BMP10: variants seen among roughly 807,000 people sequenced by gnomAD.
BMP10 encodes the protein bone morphogenetic protein 10.
Under a neutral mutation model 29.9 loss-of-function variants are expected in BMP10, and 9 were observed. The ratio of observed to expected loss-of-function variants is 0.30; its 90% CI spans 0.18 to 0.53. The LOEUF (loss-of-function observed/expected upper bound fraction) is 0.53. Ranked by LOEUF, BMP10 falls within the 20% of genes least tolerant of loss-of-function variation. The pLI, the probability that BMP10 is intolerant of heterozygous loss-of-function variation, is 0.96. For synonymous variants in BMP10, 202 were observed against 200.2 expected (o/e 1.01, Z -0.07); for missense variants, 474 against 524.3 (o/e 0.90, Z 0.94).
At position 68,871,117 on chromosome 2, in the gene BMP10, G is replaced by A. The variant is rs1683058526; in HGVS notation, c.242C>T (p.Pro81Leu). Residue 81 changes from proline (P) to leucine (L), a missense_variant, in exon 1 of 2, where the codon CCA becomes CTA. Transcript: ENST00000295379. ...IPTQDSAKVD[P>L]PEYMLELYNK... is the part of the protein sequence containing the mutation. ...GTAGAGTTCCAACATGTACTCTGGT[G>A]GGTCCACCTTGGCTGAATCCTGCGT... The A allele has an allele frequency of 1.2e-6, 2 of 1,614,030 alleles. No homozygotes were observed. Among genetic ancestry groups the A allele is most frequent in the African/African-American group, 2.7e-5 (2 of 74,918 alleles).
At chr2:68,870,980 T>C in intron 1 of BMP10, 45 bp downstream of exon 1, 1 of 1,518,062 alleles carries the variant, frequency 6.6e-7, no homozygotes, top group Non-Finnish European at 9.1e-7. Context: ...TTACTTATTG[T>C]GTCTTGAAAA....
At chr2:68,867,562 C>G (rs1029060247) in intron 1 of BMP10, among the ~76,000 whole-genome samples, 8 of 152,186 alleles carry the variant, frequency 5.3e-5, no homozygotes, top group African/African-American at 1.9e-4. Context: ...CAAATACGAT[C>G]ATGTTGACTT....
chr2:68,871,315 G>T lies in BMP10; in HGVS notation c.44C>A (p.Ala15Glu). ...VLTLCALFCLAAYLVSGSPIM... is the reference protein window; with the variant it reads ...VLTLCALFCLEAYLVSGSPIM... ...GGGGCTGCCAGAAACCAAGTAAGCTGCCAGGCAGAAAAGAGCGCACAGTGT... is the reference window on the plus strand; with the variant it reads ...GGGGCTGCCAGAAACCAAGTAAGCTTCCAGGCAGAAAAGAGCGCACAGTGT... The change falls in exon 1 of 2, where the codon GCA (alanine) becomes GAA (glutamate). Residue 15 changes from alanine to glutamate, a missense_variant. Coordinates refer to ENST00000295379, the MANE Select transcript of BMP10 (RefSeq NM_014482.3). 6.2e-7 allele frequency: 1 copy of T among 1,614,126 alleles called. No homozygotes were observed. Among genetic ancestry groups the T allele is most frequent in the Non-Finnish European group, 8.5e-7 (1 of 1,179,998 alleles).
In BMP10 at chr2:68,865,897, A is replaced by G; in HGVS notation, c.1009T>C (p.Trp337Arg). ...PLYIDFKEIG[W>R]DSWIIAPPGY... ...GGCGGAGCGATGATCCAGGAGTCCC[A>G]CCCAATCTCCTTGAAGTCGATGTAG... The change falls in exon 2 of 2, where the codon TGG becomes CGG. Residue 337 changes from tryptophan to arginine, a missense_variant. Around this residue, in one of 2 missense-constraint regions of BMP10, gnomAD observed 408 missense variants for 415.3 expected, o/e 0.98. Coordinates refer to ENST00000295379, the MANE Select transcript of BMP10 (RefSeq NM_014482.3). This position sits in a 1 kb window ranked among gnomAD's most constrained non-coding sequence, Gnocchi z 4.7. 6.2e-7 allele frequency: 1 copy of G among 1,614,062 alleles called. No individual in the cohort carries two copies. The highest frequency in any genetic ancestry group is 2.2e-5 in the East Asian group (1 of 44,876).
rs1682861552 is a variant in BMP10, at chr2:68,861,619, A to C, written c.*4012T>G. ...TCTGAAAAGATCTACAACCTTAAAA[A>C]GGGCAACATCCCTTCTGTGTTCTAG... On this transcript the variant is annotated 3_prime_UTR_variant, in exon 2 of 2. Transcript: ENST00000295379. Among the ~76,000 whole-genome samples, 1 of 152,242 alleles carries C rather than the reference A, an allele frequency of 6.6e-6. No individual in the cohort carries two copies. Among genetic ancestry groups the C allele is most frequent in the Non-Finnish European group, 1.5e-5 (1 of 68,036 alleles).
Position 68,871,073 on chromosome 2 carries a change from G to T in BMP10, c.286C>A (p.Arg96=). The part of the protein sequence containing the change: ...LELYNKFATD[R]TSMPSANIIR... ...ATGTTGGCAGAGGGCATGGAGGTCC[G>T]ATCTGTTGCAAATTTGTTGTAGAGT... is the stretch of plus-strand genomic sequence containing the variant. Residue 96 remains arginine (R), a synonymous_variant, in exon 1 of 2, where the codon CGG becomes AGG. Transcript: ENST00000295379. 6.2e-7 allele frequency: 1 copy of T among 1,613,992 alleles called. No individual in the cohort carries two copies. Among genetic ancestry groups the T allele is most frequent in the African/African-American group, 1.3e-5 (1 of 75,012 alleles).
At chr2:68,867,502 T>C (rs2103808140) in intron 1 of BMP10, among the ~76,000 whole-genome samples, 1 of 152,328 alleles carries the variant, frequency 6.6e-6, no homozygotes, top group East Asian at 1.9e-4. Flanking sequence ...CACTCAATAA[T>C]GTTTATGAAT....
In BMP10 at chr2:68,865,557, T is replaced by C. The variant is rs753505670; in HGVS notation, c.*74A>G. On this transcript the variant is annotated 3_prime_UTR_variant, in exon 2 of 2. Transcript: ENST00000295379. This position sits in a 1 kb window ranked among gnomAD's most constrained non-coding sequence, Gnocchi z 4.7. ...AAGCCTCTATTACTGTACACCCTTA[T>C]TAAATAATCTCATTAAATAGGAACA... 1.4e-6 allele frequency: 2 copies of C among 1,436,850 alleles called. No homozygotes were observed. The highest frequency in any genetic ancestry group is 1.9e-6 in the Non-Finnish European group (2 of 1,048,508). The allele number at this position is 1,436,850 out of a possible 1,614,324, so 89.0% of individuals were successfully genotyped here.
chr2:68,866,158 T>G lies in BMP10; in HGVS notation c.748A>C (p.Asn250His). 1 of 1,614,102 alleles carries G rather than the reference T, an allele frequency of 6.2e-7. No homozygotes were observed. Among genetic ancestry groups the G allele is most frequent in the Non-Finnish European group, 8.5e-7 (1 of 1,179,986 alleles). ...EIDTSAQNKH[N>H]PLLIVFSDDQ... is the part of the protein sequence containing the mutation. ...TCAGAAAACACGATGAGCAAAGGGTTATGCTTATTCTGGGCACTGGTATCT... is the reference window on the plus strand; with the variant it reads ...TCAGAAAACACGATGAGCAAAGGGTGATGCTTATTCTGGGCACTGGTATCT... Residue 250 changes from asparagine (N) to histidine (H), a missense_variant, in exon 2 of 2, where the codon AAC (asparagine) becomes CAC (histidine). Asn to His is a moderately conservative substitution (Grantham distance 68). This residue lies in a region of BMP10 where 408 missense variants were observed against 415.3 expected (regional missense o/e 0.98). Transcript: ENST00000295379.
At position 68,865,420 on chromosome 2, in the gene BMP10, C is replaced by A. The variant is rs527763435; in HGVS notation, c.*211G>T. On this transcript the variant is annotated 3_prime_UTR_variant, in exon 2 of 2. Transcript: ENST00000295379. The surrounding 1 kb of genome is among the most constrained non-coding windows in gnomAD (Gnocchi z 4.7). The stretch of plus-strand genomic sequence containing the variant: ...TGTTTTCAAATCAACAGGGAGGTGG[C>A]ATTGCCAGGAAATGGCAAGTCCAAA... The A allele has an allele frequency of 1.8e-6, 1 of 561,134 alleles. No individual in the cohort carries two copies. Among genetic ancestry groups the A allele is most frequent in the Non-Finnish European group, 3.1e-6 (1 of 322,966 alleles). 34.8% of individuals were successfully genotyped at this position (561,134 alleles called of 1,614,324 possible). A position where few individuals can be genotyped will look rare whatever the true frequency, so the allele number is the denominator to read the frequency against.
Position 68,871,383 on chromosome 2 carries a change from A to G in BMP10, c.-25T>C. ...TGACTCCGCTCGAGCTCCTAGGCCA[A>G]GCCAGGAAGGTTTAGCTTCCCTGGG... On this transcript the variant is annotated 5_prime_UTR_variant, in exon 1 of 2. Coordinates refer to ENST00000295379, the MANE Select transcript of BMP10 (RefSeq NM_014482.3). The G allele has an allele frequency of 6.2e-7, 1 of 1,603,466 alleles. No individual in the cohort carries two copies. Among genetic ancestry groups the G allele is most frequent in the Non-Finnish European group, 8.5e-7 (1 of 1,173,748 alleles).
Position 68,863,841 on chromosome 2 carries a change from A to G in BMP10, c.*1790T>C, listed in dbSNP as rs995578836. ...TTGTTTTCCAGGGTAAAAAAAAGAAAAAAGTGTCAGACTTCTTAAGGAAGC... is the reference window on the plus strand; with the variant it reads ...TTGTTTTCCAGGGTAAAAAAAAGAAGAAAGTGTCAGACTTCTTAAGGAAGC... On this transcript the variant is annotated 3_prime_UTR_variant, in exon 2 of 2. Transcript: ENST00000295379. Among the ~76,000 whole-genome samples the G allele has an allele frequency of 6.6e-6, 1 of 152,206 alleles. No individual in the cohort carries two copies. The highest frequency in any genetic ancestry group is 1.5e-5 in the Non-Finnish European group (1 of 68,038).
In BMP10 at chr2:68,865,985, G is replaced by A; in HGVS notation, c.921C>T (p.Ile307=). The A allele has an allele frequency of 6.2e-7, 1 of 1,614,054 alleles. No homozygotes were observed. Among genetic ancestry groups the A allele is most frequent in the Non-Finnish European group, 8.5e-7 (1 of 1,179,980 alleles). Residue 307 remains isoleucine (I), a synonymous_variant, in exon 2 of 2, where the codon ATC becomes ATT. Coordinates refer to ENST00000295379, the MANE Select transcript of BMP10 (RefSeq NM_014482.3). This position sits in a 1 kb window ranked among gnomAD's most constrained non-coding sequence, Gnocchi z 4.7. The stretch of plus-strand genomic sequence containing the variant: ...TTCTGATTCGGGCAGTGGAGTCATA[G>A]ATGATGTTTGATCTCATCTGCAACA... ...EALLQMRSNI[I]YDSTARIRRN...
In BMP10 at chr2:68,871,200, T is replaced by C; in HGVS notation, c.159A>G (p.Thr53=). The part of the protein sequence containing the change: ...FSEQDGVDFN[T]LLQSMKDEFL... ...ACTCATCCTTCATGCTCTGGAGCAGTGTGTTAAAGTCGACACCGTCTTGCT... is the reference window on the plus strand; with the variant it reads ...ACTCATCCTTCATGCTCTGGAGCAGCGTGTTAAAGTCGACACCGTCTTGCT... Residue 53 remains threonine, a synonymous_variant, in exon 1 of 2, where the codon ACA becomes ACG. Coordinates refer to ENST00000295379, the MANE Select transcript of BMP10 (RefSeq NM_014482.3). The C allele has an allele frequency of 1.2e-6, 2 of 1,614,118 alleles. No individual in the cohort carries two copies. The highest frequency in any genetic ancestry group is 1.7e-6 in the Non-Finnish European group (2 of 1,179,998).
rs1039315434 is a variant in BMP10, at chr2:68,864,270, G to A, written c.*1361C>T. Among the ~76,000 whole-genome samples, 1 of 151,952 alleles carries A rather than the reference G, an allele frequency of 6.6e-6. No homozygotes were observed. The highest frequency in any genetic ancestry group is 2.4e-5 in the African/African-American group (1 of 41,366). ...TGCTTGTGTGTCTATTCATAAATTCGTTTATTTAAATCCATTCATTTGGAC... is the reference window on the plus strand; with the variant it reads ...TGCTTGTGTGTCTATTCATAAATTCATTTATTTAAATCCATTCATTTGGAC... On this transcript the variant is annotated 3_prime_UTR_variant, in exon 2 of 2. Transcript: ENST00000295379.
chr2:68,862,006 A>C lies in BMP10; in HGVS notation c.*3625T>G, dbSNP rs1382071232. ...CGGCAACAGGTGAATTCAGAGGGGA[A>C]GTACCAGATTTGGGGGATGAAAAGA... On this transcript the variant is annotated 3_prime_UTR_variant, in exon 2 of 2. Coordinates refer to ENST00000295379, the MANE Select transcript of BMP10 (RefSeq NM_014482.3). 6.6e-6 allele frequency among the ~76,000 whole-genome samples: 1 copy of C among 152,218 alleles called. No homozygotes were observed.
chr2:68,868,902 T>A lies in BMP10; in HGVS notation c.334+2123A>T, dbSNP rs190885410. 2.1e-3 allele frequency among the ~76,000 whole-genome samples: 322 copies of A among 152,360 alleles called. 1 individual carries two copies. Among genetic ancestry groups the A allele is most frequent in the Non-Finnish European group, 3.7e-3 (253 of 68,040 alleles). The stretch of plus-strand genomic sequence containing the variant: ...TTTCAAATTATACACTTTAAATATG[T>A]GCGATTATACTTTTATACATCAATA... On this transcript the variant is annotated intron_variant, in intron 1 of 1. Coordinates refer to ENST00000295379, the MANE Select transcript of BMP10 (RefSeq NM_014482.3).
rs557332981 is a variant in BMP10 at position 68,865,865 on chromosome 2, G to A, written c.1041C>T (p.Tyr347=). The change falls in exon 2 of 2, where the codon TAC becomes TAT. Residue 347 remains tyrosine (Y), a synonymous_variant. Coordinates refer to ENST00000295379, the MANE Select transcript of BMP10 (RefSeq NM_014482.3). The surrounding 1 kb of genome is among the most constrained non-coding windows in gnomAD (Gnocchi z 4.7). ...AAACACCACGGCATTCATAGGCTTC[G>A]TATCCAGGCGGAGCGATGATCCAGG... The part of the protein sequence containing the change: ...WDSWIIAPPG[Y]EAYECRGVCN... The A allele has an allele frequency of 1.3e-5, 21 of 1,614,092 alleles. No individual in the cohort carries two copies. Among genetic ancestry groups the A allele is most frequent in the East Asian group, 1.1e-4 (5 of 44,880 alleles).
chr2:68,866,990 C>G (rs1682971670), intron 1 of BMP10, among the ~76,000 whole-genome samples: 2 of 151,474 alleles, frequency 1.3e-5, no homozygotes, highest in African/African-American at 4.9e-5. Flanking sequence ...GGGATGAGGA[C>G]TTCATGGTTT....
Sources: gnomAD v4.1 joint callset for allele counts (sites outside exome capture counted in the v4.1 genomes callset) on GRCh38, gnomAD v4.1.1 for gene constraint, gnomAD v4.1.1 regional missense constraint, Gnocchi (gnomAD v3.1) non-coding constraint, MANE v1.5 for transcripts, NCBI Gene and HGNC (gene_info 2026-07-23, HGNC 2026-07-21) for gene names.